USP42: variants seen among roughly 807,000 people sequenced by gnomAD.
USP42 encodes ubiquitin specific peptidase 42, also known as ubiquitin carboxyl-terminal hydrolase 42.
A neutral mutation model predicts 113.0 loss-of-function variants in USP42; 23 were observed. The ratio of observed to expected loss-of-function variants is 0.20; its 90% CI spans 0.15 to 0.29. The LOEUF (loss-of-function observed/expected upper bound fraction) is 0.29, where lower values mean the gene tolerates loss of function less well. Ranked by LOEUF, USP42 falls within the 10% of genes least tolerant of loss-of-function variation. The probability of loss-of-function intolerance (pLI) is 1.00; values close to 1 mark genes in which losing one functional copy is unlikely to be tolerated. For missense variants in USP42, 2,174 were observed against 1,779.8 expected (o/e 1.22, Z -3.99); for synonymous variants, 933 against 699.0 (o/e 1.33, Z -5.28).
intron 3 of USP42, among the ~76,000 whole-genome samples, chr7:6,135,467 G>A (rs1019548135): frequency 6.6e-6 from 1 of 151,700 alleles, no homozygotes; most frequent in Non-Finnish European, 1.5e-5. Flanking sequence ...GGCTAACATG[G>A]TGAAACCCCA....
At chr7:6,092,076 C>CTTCTTCTTCTTTCTTCTTCTTCTTTCT in the USP42 span, among the ~76,000 whole-genome samples, 56 of 23,824 alleles carry the variant, frequency 2.4e-3, 5 homozygotes, top group Admixed American at 4.0e-3. Flanking sequence ...CTTCTTCTTC[C>CTTCTTCTTCTTTCTTCTTCTTCTTTCT]TCTTCCTCTT....
Position 6,154,601 on chromosome 7 carries a change from G to A in USP42, c.3047G>A (p.Arg1016Lys). The A allele has an allele frequency of 2.5e-6, 4 of 1,585,204 alleles. No homozygotes were observed. The highest frequency in any genetic ancestry group is 2.6e-6 in the Non-Finnish European group (3 of 1,167,886). ...CCTGGCGAGCGCCGCTCTCTGGGCAGGTGCAGTCACCACCACTCCCGACAC... is the reference window on the plus strand; with the variant it reads ...CCTGGCGAGCGCCGCTCTCTGGGCAAGTGCAGTCACCACCACTCCCGACAC... Reference protein sequence around the residue: ...LSPGERRSLGRCSHHHSRHRS... With the variant: ...LSPGERRSLGKCSHHHSRHRS... The change falls in exon 15 of 18, where the codon AGG (arginine) becomes AAG (lysine). Residue 1016 changes from arginine (R) to lysine (K), a missense_variant. Coordinates refer to ENST00000306177, the MANE Select transcript of USP42 (RefSeq NM_032172.3).
upstream of USP42, among the ~76,000 whole-genome samples, chr7:6,104,118 A>C (rs547362024): frequency 6.6e-6 from 1 of 151,312 alleles, no homozygotes; most frequent in Non-Finnish European, 1.5e-5. Context: ...TCTGTCGCCC[A>C]GGCTGGAGGG....
In USP42 at chr7:6,155,275, G is replaced by T. The variant is rs1782380449; in HGVS notation, c.3641+80G>T. 3 of 1,442,520 alleles carry T rather than the reference G, an allele frequency of 2.1e-6. No individual in the cohort carries two copies. In the East Asian group the frequency reaches 7.5e-5, roughly 36 times the overall value. The allele number at this position is 1,442,520 out of a possible 1,614,324, so 89.4% of individuals were successfully genotyped here. ...GCCTGTCCCTTCTCACTCGACTCAG[G>T]AACAAGTGACCAGCCAGGCCACAGT... is the stretch of plus-strand genomic sequence containing the variant. On this transcript the variant is annotated intron_variant, in intron 15 of 17. Transcript: ENST00000306177.
intron 3 of USP42, chr7:6,128,010 A>G (rs1016173986): frequency 1.3e-5 from 2 of 152,002 alleles, no homozygotes; most frequent in East Asian, 1.9e-4. Flanking sequence ...CATCCTCAAA[A>G]TCCTCAAAAT....
intron 3 of USP42, 105 bp from the exon 4 acceptor site, chr7:6,135,736 C>G (rs1358414651): frequency 4.4e-6 from 2 of 449,534 alleles, no homozygotes; most frequent in Non-Finnish European, 7.9e-6. Flanking sequence ...ATGCATATAG[C>G]AGCTATTATT....
chr7:6,133,634 A>G (rs1199687613), intron 3 of USP42, among the ~76,000 whole-genome samples: 1 of 151,466 alleles, frequency 6.6e-6, no homozygotes, highest in Non-Finnish European at 1.5e-5. Flanking sequence ...CCCATCCCAC[A>G]TCAGCCTCTG....
chr7:6,081,766 C>T, the USP42 span: 3 of 152,326 alleles, frequency 2.0e-5, no homozygotes, highest in South Asian at 2.1e-4. Context: ...CGCTCCGGGC[C>T]GCTCCTCCCT....
chr7:6,118,945 T>C (rs1031663054), intron 3 of USP42, among the ~76,000 whole-genome samples: 1 of 151,692 alleles, frequency 6.6e-6, no homozygotes, highest in African/African-American at 2.4e-5. Flanking sequence ...CCAACTGCAG[T>C]GGCTCATGTC....
At chr7:6,120,847 G>C (rs1269715985) in intron 3 of USP42, among the ~76,000 whole-genome samples, 1 of 152,196 alleles carries the variant, frequency 6.6e-6, no homozygotes. Context: ...GCCTCCCAAA[G>C]TGCTGGGATT....
At chr7:6,105,763 G>T (rs1431360226) in intron 1 of USP42, among the ~76,000 whole-genome samples, 1 of 152,200 alleles carries the variant, frequency 6.6e-6, no homozygotes, top group Non-Finnish European at 1.5e-5. Flanking sequence ...TGGAACGGGG[G>T]ATCCGTTGCA....
upstream of USP42, among the ~76,000 whole-genome samples, chr7:6,100,204 G>T (rs1790077251): frequency 6.6e-6 from 1 of 150,392 alleles, no homozygotes; most frequent in Non-Finnish European, 1.5e-5. Flanking sequence ...AAACCAGAGA[G>T]ATTGAATAAG....
chr7:6,089,565 C>T, the USP42 span, among the ~76,000 whole-genome samples: 1 of 148,562 alleles, frequency 6.7e-6, no homozygotes, highest in Non-Finnish European at 1.5e-5. Flanking sequence ...TGGAGTCTCA[C>T]CCTGTCTCCC....
At chr7:6,084,808 TC>T in the USP42 span, 1 of 147,832 alleles carries the variant, frequency 6.8e-6, no homozygotes. Flanking sequence ...AACCTCCACC[TC>T]CCGGGTTCAA....
At chr7:6,125,208 G>A (rs1234116690) in intron 3 of USP42, among the ~76,000 whole-genome samples, 1 of 148,572 alleles carries the variant, frequency 6.7e-6, no homozygotes, top group African/African-American at 2.5e-5. Context: ...AAAAAAACAG[G>A]CAGGATGCAG....
chr7:6,150,058 G>A lies in USP42; in HGVS notation c.1862G>A (p.Gly621Glu), dbSNP rs1396758936. Residue 621 changes from glycine to glutamate, a missense_variant, in exon 13 of 18, where the codon GGG becomes GAG. Gly to Glu is a moderately conservative substitution (Grantham distance 98). Transcript: ENST00000306177. ...SSEDSDEESK[G>E]LGKENGIGTI... ...GAGGACTCTGACGAGGAGTCAAAGGGGCTGGGCAAGGAGAATGGGATTGGT... is the reference window on the plus strand; with the variant it reads ...GAGGACTCTGACGAGGAGTCAAAGGAGCTGGGCAAGGAGAATGGGATTGGT... The A allele has an allele frequency of 1.2e-6, 2 of 1,609,428 alleles. No individual in the cohort carries two copies. Among genetic ancestry groups the A allele is most frequent in the South Asian group, 1.1e-5 (1 of 90,468 alleles).
In USP42 at chr7:6,115,516, C is replaced by G; in HGVS notation, c.435C>G (p.Ser145=). The G allele has an allele frequency of 1.2e-6, 2 of 1,613,982 alleles. No individual in the cohort carries two copies. Among genetic ancestry groups the G allele is most frequent in the Non-Finnish European group, 1.7e-6 (2 of 1,179,860 alleles). ...ATTACATGCTATCACATGAACACTC[C>G]AAAACATGTAAGTGTTCCGTGTTGT... ...LANYMLSHEH[S]KTCHAEGFCM... The change falls in exon 3 of 18, where the codon TCC becomes TCG. Residue 145 remains serine, a synonymous_variant. Transcript: ENST00000306177.
chr7:6,144,744 C>T (rs570678346), intron 9 of USP42, among the ~76,000 whole-genome samples: 2 of 151,822 alleles, frequency 1.3e-5, no homozygotes, highest in East Asian at 3.9e-4. Context: ...GTGGCAGGCA[C>T]TTGTAATCCT....
chr7:6,144,470 T>A (rs1467904770), intron 9 of USP42, among the ~76,000 whole-genome samples: 1 of 152,222 alleles, frequency 6.6e-6, no homozygotes, highest in Non-Finnish European at 1.5e-5. Context: ...TTCTGATTGG[T>A]AGTACACTGA....
Sources: allele counts gnomAD v4.1 joint callset (sites outside exome capture counted in the v4.1 genomes callset), GRCh38; gene constraint gnomAD v4.1.1; transcripts MANE v1.5; gene names NCBI Gene and HGNC (gene_info 2026-07-23, HGNC 2026-07-21).